The following ULK4 variants were observed in gnomAD, a reference collection of about 807,000 sequenced individuals.
The protein encoded by ULK4 is unc-51 like kinase 4.
Under a neutral mutation model 160.6 loss-of-function variants are expected in ULK4, and 133 were observed. The observed-to-expected ratio is 0.83, with a 90% CI of 0.72 to 0.96. The LOEUF (loss-of-function observed/expected upper bound fraction) is 0.96, where lower values mean the gene tolerates loss of function less well. ULK4 is among the 40% of genes least tolerant of loss of function. The pLI, the probability that ULK4 is intolerant of heterozygous loss-of-function variation, is 0.00. For missense variants in ULK4, 1,580 were observed against 1,499.5 expected (o/e 1.05, Z -0.89); for synonymous variants, 534 against 539.8 (o/e 0.99, Z 0.15).
rs376352617 is a variant in ULK4 at position 41,514,246 on chromosome 3, A to C, written c.3227-50993T>G. On this transcript the variant is annotated intron_variant, in intron 32 of 36. Coordinates refer to ENST00000301831, the MANE Select transcript of ULK4 (RefSeq NM_017886.4). The stretch of plus-strand genomic sequence containing the variant: ...TGAGCCCAGTTAAAGAGTTAATAAA[A>C]TAAACAGCCTTTTTGGGGGGACAAC... 5.9e-5 allele frequency among the ~76,000 whole-genome samples: 9 copies of C among 152,366 alleles called. No individual in the cohort carries two copies. In the East Asian group the frequency reaches 1.3e-3, roughly 23 times the overall value.
At chr3:41,642,869 T>G (rs1298289548) in intron 30 of ULK4, among the ~76,000 whole-genome samples, 1 of 152,236 alleles carries the variant, frequency 6.6e-6, no homozygotes, top group South Asian at 2.1e-4. Flanking sequence ...CCTCACTTTT[T>G]AATGATCGCC....
intron 22 of ULK4, among the ~76,000 whole-genome samples, chr3:41,752,724 T>C (rs1445683033): frequency 6.6e-6 from 1 of 152,156 alleles, no homozygotes; most frequent in Admixed American, 6.6e-5. Context: ...CAAAACACAT[T>C]AAATCACATT....
At chr3:41,393,118 C>T (rs2081989769) in intron 35 of ULK4, among the ~76,000 whole-genome samples, 2 of 152,146 alleles carry the variant, frequency 1.3e-5, no homozygotes, top group Admixed American at 6.6e-5. Flanking sequence ...AGTACTAACA[C>T]GAGCTCCCAA....
At chr3:41,746,272 CA>C (rs34582395) in intron 22 of ULK4, among the ~76,000 whole-genome samples, 1,156 of 45,676 alleles carry the variant, frequency 0.025, 15 homozygotes, top group Admixed American at 0.092. Flanking sequence ...CTGGAACCCA[CA>C]AAAAAAAAAA....
intron 35 of ULK4, among the ~76,000 whole-genome samples, chr3:41,384,782 AC>A (rs1436138241): frequency 6.6e-6 from 1 of 152,120 alleles, no homozygotes; most frequent in African/African-American, 2.4e-5. Context: ...ATGGAGTTTC[AC>A]CATGTTAGCC....
chr3:41,956,853 G>C (rs1700501619), intron 1 of ULK4, among the ~76,000 whole-genome samples: 1 of 152,172 alleles, frequency 6.6e-6, no homozygotes, highest in Admixed American at 6.5e-5. Flanking sequence ...GCCTATGACA[G>C]AGTTGACTCT....
At chr3:41,625,044 A>T (rs1373359234) in intron 30 of ULK4, among the ~76,000 whole-genome samples, 1 of 152,190 alleles carries the variant, frequency 6.6e-6, no homozygotes, top group African/African-American at 2.4e-5. Context: ...ATGTTAAAGC[A>T]AGTAAGGAAG....
intron 30 of ULK4, among the ~76,000 whole-genome samples, chr3:41,626,524 C>T (rs1254438082): frequency 1.5e-4 from 22 of 148,490 alleles, no homozygotes; most frequent in Admixed American, 1.3e-3. Context: ...TAAGAAAGTA[C>T]ATTGCTTTTT....
At chr3:41,544,640 T>C (rs796732279) in intron 32 of ULK4, among the ~76,000 whole-genome samples, 2 of 152,342 alleles carry the variant, frequency 1.3e-5, no homozygotes, top group African/African-American at 4.8e-5. Flanking sequence ...TTCAAGCAGC[T>C]ATGATGTTTA....
chr3:41,788,136 C>T (rs1473052439), intron 21 of ULK4, among the ~76,000 whole-genome samples: 1 of 152,138 alleles, frequency 6.6e-6, no homozygotes, highest in Non-Finnish European at 1.5e-5. Context: ...AATTTCTTAG[C>T]AGAATCTAAA....
chr3:41,347,755 T>C (rs1423713741), intron 35 of ULK4, among the ~76,000 whole-genome samples: 1 of 152,212 alleles, frequency 6.6e-6, no homozygotes, highest in Non-Finnish European at 1.5e-5. Context: ...GGGCCACTTC[T>C]TATCCCACAT....
intron 31 of ULK4, among the ~76,000 whole-genome samples, chr3:41,580,390 A>T (rs34778876): frequency 0.085 from 12,663 of 149,288 alleles, 683 homozygotes; most frequent in Non-Finnish European, 0.12. Context: ...TTTTTTTTTT[A>T]AAAAAACCTG....
chr3:41,482,734 G>A (rs1320545261), intron 32 of ULK4, among the ~76,000 whole-genome samples: 1 of 152,152 alleles, frequency 6.6e-6, no homozygotes, highest in Non-Finnish European at 1.5e-5. Context: ...TTTGTTCAGA[G>A]TCAGAAGTCT....
chr3:41,401,861 G>A (rs2082187767), intron 34 of ULK4, among the ~76,000 whole-genome samples: 1 of 152,176 alleles, frequency 6.6e-6, no homozygotes, highest in Admixed American at 6.5e-5. Flanking sequence ...CTATCGACAA[G>A]GATGTAGTAA....
At chr3:41,306,130 G>A (rs1312867035) in intron 35 of ULK4, among the ~76,000 whole-genome samples, 3 of 41,282 alleles carry the variant, frequency 7.3e-5, no homozygotes, top group African/African-American at 2.5e-4. Flanking sequence ...GAGGGAGGTG[G>A]GGGGGGGGGG....
Position 41,387,079 on chromosome 3 carries a change from C to CTT in ULK4, c.3678+10998_3678+10999dup, listed in dbSNP as rs144506094. 6.7e-3 allele frequency among the ~76,000 whole-genome samples: 1,014 copies of CTT among 151,998 alleles called. 4 individuals carry two copies. The highest frequency in any genetic ancestry group is 0.015 in the African/African-American group (624 of 41,458). On this transcript the variant is annotated intron_variant, in intron 35 of 36. Coordinates refer to ENST00000301831, the MANE Select transcript of ULK4 (RefSeq NM_017886.4). ...TGTAAAAATTTTAGGCAGTATATTTCTTTTTTTGATAGACTTTAAAAAAAA... is the reference window on the plus strand; with the variant it reads ...TGTAAAAATTTTAGGCAGTATATTTCTTTTTTTTTGATAGACTTTAAAAAAAA...
chr3:41,759,351 A>G (rs2038911988), intron 21 of ULK4, among the ~76,000 whole-genome samples: 1 of 152,040 alleles, frequency 6.6e-6, no homozygotes, highest in Non-Finnish European at 1.5e-5. Context: ...AACAATTGGA[A>G]AATAAATCCT....
chr3:41,317,327 G>A lies in ULK4; in HGVS notation c.3679-67753C>T, dbSNP rs568613785. Among the ~76,000 whole-genome samples, 12 of 151,888 alleles carry A rather than the reference G, an allele frequency of 7.9e-5. No individual in the cohort carries two copies. The East Asian group carries it at 1.2e-3, about 15-fold the overall frequency. ...CCTGACCTCATGATCCACCTGCCTCGGCCTCCCAAAGTGCTGGGGTTACAG... is the reference window on the plus strand; with the variant it reads ...CCTGACCTCATGATCCACCTGCCTCAGCCTCCCAAAGTGCTGGGGTTACAG... On this transcript the variant is annotated intron_variant, in intron 35 of 36. Coordinates refer to ENST00000301831, the MANE Select transcript of ULK4 (RefSeq NM_017886.4).
intron 27 of ULK4, among the ~76,000 whole-genome samples, chr3:41,683,379 CT>C (rs1394359144): frequency 6.6e-6 from 1 of 151,940 alleles, no homozygotes; most frequent in Non-Finnish European, 1.5e-5. Context: ...TCATTCAGGG[CT>C]TGTCTGCGAT....
Sources: gnomAD v4.1 joint callset for allele counts (sites outside exome capture counted in the v4.1 genomes callset) on GRCh38, gnomAD v4.1.1 for gene constraint, MANE v1.5 for transcripts, NCBI Gene and HGNC (gene_info 2026-07-23, HGNC 2026-07-21) for gene names.